Variants in PPP2R3C observed in about 807,000 individuals in gnomAD.
PPP2R3C encodes the protein protein phosphatase 2 regulatory subunit B''gamma.
Under a neutral mutation model 63.7 loss-of-function variants are expected in PPP2R3C, and 47 were observed. That is an observed-to-expected ratio of 0.74 (90% CI 0.58 to 0.94). The LOEUF is 0.94. PPP2R3C is among the 40% of genes least tolerant of loss of function. The probability of loss-of-function intolerance (pLI) is 0.00; values close to 1 mark genes in which losing one functional copy is unlikely to be tolerated. For missense variants in PPP2R3C, 421 were observed against 518.4 expected, an observed-to-expected ratio of 0.81 and a Z score of 1.82; for synonymous variants, 180 against 177.4, an observed-to-expected ratio of 1.01 and a Z score of -0.12.
At chr14:35,118,150 C>A (rs1045085954) in intron 1 of PPP2R3C, among the ~76,000 whole-genome samples, 1 of 152,130 alleles carries the variant, frequency 6.6e-6, no homozygotes, top group Non-Finnish European at 1.5e-5. Context: ...TGATTCTTGA[C>A]AAGCAGGAAT....
intron 1 of PPP2R3C, among the ~76,000 whole-genome samples, chr14:35,118,950 C>T (rs918784996): frequency 6.6e-6 from 1 of 151,992 alleles, no homozygotes; most frequent in East Asian, 1.9e-4. Context: ...CTGCGCCCAG[C>T]CAAGTACAGG....
At chr14:35,095,673 C>A (rs1160497251) in intron 9 of PPP2R3C, among the ~76,000 whole-genome samples, 2 of 141,442 alleles carry the variant, frequency 1.4e-5, no homozygotes, top group Non-Finnish European at 3.1e-5. Context: ...ACCGTCTCTA[C>A]TAAAAAAAAA....
chr14:35,109,561 G>A (rs1373298338), intron 4 of PPP2R3C, among the ~76,000 whole-genome samples: 2 of 151,690 alleles, frequency 1.3e-5, no homozygotes, highest in East Asian at 3.9e-4. Flanking sequence ...TCATCCTCCC[G>A]GGCTCAAGCA....
chr14:35,122,020 G>A, upstream of PPP2R3C: 1 of 1,588,756 alleles, frequency 6.3e-7, no homozygotes, highest in Non-Finnish European at 8.6e-7. Flanking sequence ...ACCCCTACCA[G>A]CTCAGGCGTC....
intron 4 of PPP2R3C, among the ~76,000 whole-genome samples, chr14:35,108,830 G>A (rs1362869888): frequency 2.0e-5 from 3 of 151,532 alleles, no homozygotes; most frequent in South Asian, 4.2e-4. Flanking sequence ...GACTGATCTC[G>A]AACTCCTGGC....
At chr14:35,103,193 C>T (rs1190472692) in intron 6 of PPP2R3C, among the ~76,000 whole-genome samples, 2 of 152,228 alleles carry the variant, frequency 1.3e-5, no homozygotes, top group Non-Finnish European at 2.9e-5. Context: ...AAAGTCCTTA[C>T]TGTGGCCCAA....
intron 11 of PPP2R3C, 35 bp from the exon 12 acceptor site, chr14:35,088,045 ATG>A: frequency 6.9e-7 from 1 of 1,455,360 alleles, no homozygotes; most frequent in Non-Finnish European, 9.6e-7. Flanking sequence ...TAAATAAAAA[ATG>A]AAATACACAA....
In PPP2R3C at chr14:35,107,337, A is replaced by T; in HGVS notation, c.540T>A (p.Tyr180Ter). Residue 180 changes from tyrosine to a stop codon, truncating the protein, a stop_gained, in exon 6 of 13, where the codon TAT becomes TAA. Coordinates refer to ENST00000261475, the MANE Select transcript of PPP2R3C (RefSeq NM_017917.4). LOFTEE classifies it high-confidence loss of function. Reference protein sequence around the residue: ...LHQTRIGLSLYDVAGQGYLRE... With the variant: ...LHQTRIGLSL ...GAAGGTACCCCTGCCCAGCGACATC[A>T]TATAAACTGAGTCCTATTCTTGTTT... 6.2e-7 allele frequency: 1 copy of T among 1,609,628 alleles called. No individual in the cohort carries two copies. Among genetic ancestry groups the T allele is most frequent in the Non-Finnish European group, 8.5e-7 (1 of 1,175,850 alleles).
At chr14:35,122,026 G>T (rs45622031), upstream of PPP2R3C, 1 of 1,572,554 alleles carries the variant, frequency 6.4e-7, no homozygotes, top group African/African-American at 1.4e-5. Context: ...ACCAGCTCAG[G>T]CGTCAGCACC....
intron 10 of PPP2R3C, among the ~76,000 whole-genome samples, chr14:35,092,241 T>A (rs1004614944): frequency 7.9e-5 from 12 of 151,950 alleles, no homozygotes; most frequent in African/African-American, 1.2e-4. Flanking sequence ...GCTAATTTTT[T>A]AAATTCTTTG....
In PPP2R3C at chr14:35,099,294, C is replaced by A; in HGVS notation, c.664G>T (p.Ala222Ser). 1.2e-6 allele frequency: 2 copies of A among 1,601,552 alleles called. No homozygotes were observed. The highest frequency in any genetic ancestry group is 1.7e-6 in the Non-Finnish European group (2 of 1,177,154). The change falls in exon 7 of 13, where the codon GCA becomes TCA. Residue 222 changes from alanine (A) to serine (S), a missense_variant. Transcript: ENST00000261475. The stretch of plus-strand genomic sequence containing the variant: ...AAAAAGAAGAAGAACTTCCTAACTG[C>A]TGTACAAACATAAAAGGAGTAGAAA... The part of the protein sequence containing the change: ...KSFYSFYVCT[A>S]VRKFFFFLDP...
intron 10 of PPP2R3C, 62 bp downstream of exon 10, chr14:35,094,985 AG>A (rs1026889362): frequency 2.0e-5 from 30 of 1,507,468 alleles, no homozygotes; most frequent in Middle Eastern, 3.5e-4. Context: ...CATCAAGAAA[AG>A]GGTTTGTGGA....
At chr14:35,121,838 TC>T in intron 1 of PPP2R3C, 63 bp downstream of exon 1, 7 of 1,489,162 alleles carry the variant, frequency 4.7e-6, no homozygotes, top group Non-Finnish European at 5.6e-6. Flanking sequence ...CCTCCCCACC[TC>T]CCCCCTACCT....
chr14:35,107,296 A>C lies in PPP2R3C; in HGVS notation c.573+8T>G. On this transcript the variant is annotated splice_region_variant and intron_variant, in intron 6 of 12. Coordinates refer to ENST00000261475, the MANE Select transcript of PPP2R3C (RefSeq NM_017917.4). ...AGTTAATATAATATCTATAAGGTTA[A>C]CACTTACAGATTCCCGAAGGTACCC... 1.3e-6 allele frequency: 2 copies of C among 1,578,330 alleles called. No homozygotes were observed. The highest frequency in any genetic ancestry group is 1.7e-6 in the Non-Finnish European group (2 of 1,147,538).
At chr14:35,117,822 G>A (rs1275425788) in intron 1 of PPP2R3C, among the ~76,000 whole-genome samples, 2 of 152,050 alleles carry the variant, frequency 1.3e-5, no homozygotes, top group African/African-American at 4.8e-5. Flanking sequence ...AGCCTCCTGA[G>A]TGGCTGGGAT....
chr14:35,118,424 A>G (rs1369140556), intron 1 of PPP2R3C, among the ~76,000 whole-genome samples: 1 of 152,206 alleles, frequency 6.6e-6, no homozygotes, highest in Non-Finnish European at 1.5e-5. Context: ...TGAAGGAACC[A>G]GACTTACGCA....
intron 6 of PPP2R3C, chr14:35,100,873 T>C (rs1281331212): frequency 1.3e-5 from 2 of 152,250 alleles, no homozygotes; most frequent in African/African-American, 2.4e-5. Context: ...GCTCAAGCTA[T>C]CTGCCCACCT....
At chr14:35,115,842 G>A (rs1438143947) in intron 2 of PPP2R3C, among the ~76,000 whole-genome samples, 4 of 151,966 alleles carry the variant, frequency 2.6e-5, no homozygotes, top group African/African-American at 7.3e-5. Context: ...GGCTGGTCTC[G>A]AACTCCTGAC....
intron 1 of PPP2R3C, among the ~76,000 whole-genome samples, chr14:35,120,594 A>G (rs1342537288): frequency 2.6e-5 from 4 of 152,270 alleles, no homozygotes; most frequent in African/African-American, 9.6e-5. Flanking sequence ...CAAGTTCATC[A>G]GCTTAAAGTA....
Sources: allele counts gnomAD v4.1 joint callset (sites outside exome capture counted in the v4.1 genomes callset), GRCh38; gene constraint gnomAD v4.1.1; transcripts MANE v1.5; gene names NCBI Gene and HGNC (gene_info 2026-07-23, HGNC 2026-07-21).